The following BNC2 variants were observed in gnomAD, a reference collection of about 807,000 sequenced individuals.
The protein encoded by BNC2 is zinc finger protein basonuclin-2.
A neutral mutation model predicts 76.3 loss-of-function variants in BNC2; 20 were observed. That is an observed-to-expected ratio of 0.26 (90% CI 0.18 to 0.38). BNC2 has a LOEUF of 0.38. Among genes scored for constraint, BNC2 ranks in the 10% least tolerant of loss-of-function variants. The pLI is 1.00. For missense variants in BNC2, 1,382 were observed against 1,399.8 expected, an observed-to-expected ratio of 0.99 and a Z score of 0.20; for synonymous variants, 582 against 514.8, an observed-to-expected ratio of 1.13 and a Z score of -1.77.
chr9:16,514,502 A>G (rs1470901634), intron 5 of BNC2, among the ~76,000 whole-genome samples: 7 of 151,928 alleles, frequency 4.6e-5, no homozygotes, highest in Non-Finnish European at 2.9e-5. Flanking sequence ...TTTTTTTTAA[A>G]AAGGGGGGAA....
At chr9:16,728,781 T>A (rs1278511589) in intron 2 of BNC2, among the ~76,000 whole-genome samples, 1 of 152,046 alleles carries the variant, frequency 6.6e-6, no homozygotes, top group East Asian at 1.9e-4. Flanking sequence ...TTGCCAAATA[T>A]AAATATATAC....
intron 3 of BNC2, among the ~76,000 whole-genome samples, chr9:16,711,174 G>C (rs1308434876): frequency 6.6e-6 from 1 of 152,130 alleles, no homozygotes; most frequent in Admixed American, 6.5e-5. Flanking sequence ...AGAAACGCAA[G>C]AGCAAAGAAT....
Position 16,855,631 on chromosome 9 carries a change from G to A in BNC2, c.3+15015C>T, listed in dbSNP as rs575424338. Among the ~76,000 whole-genome samples the A allele has an allele frequency of 1.1e-3, 172 of 152,118 alleles. 1 individual carries two copies. Among genetic ancestry groups the A allele is most frequent in the Non-Finnish European group, 1.5e-3 (102 of 68,024 alleles). On this transcript the variant is annotated intron_variant, in intron 1 of 6. Coordinates refer to ENST00000380672, the MANE Select transcript of BNC2 (RefSeq NM_017637.6). ...CGGCTCACTGCAACCTCCACCTCCC[G>A]GGTTCACGCCATTCTCCTGCCTCAG...
At position 16,436,581 on chromosome 9, in the gene BNC2, G is replaced by A. The variant is rs1821022138; in HGVS notation, c.1613C>T (p.Pro538Leu). The A allele has an allele frequency of 6.2e-7, 1 of 1,614,098 alleles. No homozygotes were observed. Among genetic ancestry groups the A allele is most frequent in the Non-Finnish European group, 8.5e-7 (1 of 1,180,010 alleles). The change falls in exon 6 of 7, where the codon CCA (proline) becomes CTA (leucine). Residue 538 changes from proline to leucine, a missense_variant. Pro to Leu is a moderately conservative substitution (Grantham distance 98). Around this residue, in one of 3 missense-constraint regions of BNC2, gnomAD observed 798 missense variants for 775.5 expected, o/e 1.03. Coordinates refer to ENST00000380672, the MANE Select transcript of BNC2 (RefSeq NM_017637.6). ...NLALTSPGRP[P>L]MGFTTPPLDP... ...TAGAGGGGGAGTGGTAAAACCCATT[G>A]GGGGTCGGCCAGGGCTTGTGAGTGC... is the stretch of plus-strand genomic sequence containing the variant.
intron 5 of BNC2, among the ~76,000 whole-genome samples, chr9:16,472,576 G>T (rs1476745766): frequency 1.3e-5 from 2 of 152,114 alleles, no homozygotes; most frequent in African/African-American, 4.8e-5. Context: ...TATTCACTCA[G>T]TCCTAAACCA....
intron 4 of BNC2, among the ~76,000 whole-genome samples, chr9:16,561,208 C>T (rs7861455): frequency 0.054 from 8,100 of 151,236 alleles, 786 homozygotes; most frequent in African/African-American, 0.19. Flanking sequence ...TATTGCACTC[C>T]GCCTGGGCAA....
At chr9:16,792,082 A>T (rs937144498) in intron 1 of BNC2, among the ~76,000 whole-genome samples, 1 of 147,960 alleles carries the variant, frequency 6.8e-6, no homozygotes, top group African/African-American at 2.5e-5. Flanking sequence ...AGCCTGGGTG[A>T]TAGAACAAGA....
chr9:16,576,165 A>C (rs1819480006), intron 4 of BNC2, among the ~76,000 whole-genome samples: 1 of 152,180 alleles, frequency 6.6e-6, no homozygotes, highest in African/African-American at 2.4e-5. Context: ...TCTGGAAAAA[A>C]ATTTCTACGA....
At chr9:16,472,878 C>T (rs1409769039) in intron 5 of BNC2, among the ~76,000 whole-genome samples, 2 of 152,132 alleles carry the variant, frequency 1.3e-5, no homozygotes, top group African/African-American at 4.8e-5. Context: ...CATCAGAAGT[C>T]AGTGGACATT....
intron 3 of BNC2, among the ~76,000 whole-genome samples, chr9:16,703,923 ATATG>A (rs1441553882): frequency 6.6e-6 from 1 of 152,214 alleles, no homozygotes; most frequent in Non-Finnish European, 1.5e-5. Context: ...ATACAAGTAT[ATATG>A]TATTATTAAG....
intron 1 of BNC2, among the ~76,000 whole-genome samples, chr9:16,828,846 G>A (rs1328557086): frequency 1.3e-5 from 2 of 152,180 alleles, no homozygotes; most frequent in Non-Finnish European, 2.9e-5. Context: ...GTGTCTAGTG[G>A]CACTGGAATA....
At chr9:16,523,490 A>AAC (rs1554663966) in intron 5 of BNC2, among the ~76,000 whole-genome samples, 8 of 146,440 alleles carry the variant, frequency 5.5e-5, no homozygotes, top group African/African-American at 2.1e-4. Flanking sequence ...AAAAAAAACA[A>AAC]AACAAAAAAA....
At chr9:16,762,008 G>C (rs370139544) in intron 1 of BNC2, among the ~76,000 whole-genome samples, 3 of 152,188 alleles carry the variant, frequency 2.0e-5, no homozygotes, top group East Asian at 3.8e-4. Context: ...AAACTTTTTA[G>C]CCAAGAAGAA....
chr9:16,773,660 A>G (rs1173938318), intron 1 of BNC2, among the ~76,000 whole-genome samples: 2 of 152,214 alleles, frequency 1.3e-5, no homozygotes, highest in African/African-American at 4.8e-5. Flanking sequence ...AAGCATCAGC[A>G]ACCTTTTTAC....
At chr9:16,680,939 A>G (rs764811478) in intron 3 of BNC2, among the ~76,000 whole-genome samples, 2 of 152,226 alleles carry the variant, frequency 1.3e-5, no homozygotes, top group Non-Finnish European at 2.9e-5. Flanking sequence ...AGAGTAAACC[A>G]ATCAAACCAA....
At chr9:16,582,869 C>T (rs1367717265) in intron 4 of BNC2, 114 bp downstream of exon 4, 5 of 843,924 alleles carry the variant, frequency 5.9e-6, no homozygotes, top group Non-Finnish European at 9.9e-6. Context: ...CTCTCTTCTC[C>T]AGGCCAGTGA....
At chr9:16,653,733 C>T (rs1488771511) in intron 3 of BNC2, among the ~76,000 whole-genome samples, 5 of 152,160 alleles carry the variant, frequency 3.3e-5, no homozygotes, top group Non-Finnish European at 7.3e-5. Flanking sequence ...CAAGGTCAGC[C>T]TGCTAGGTCT....
At chr9:16,569,003 G>GTTTTTTTT (rs373012680) in intron 4 of BNC2, among the ~76,000 whole-genome samples, 4 of 135,726 alleles carry the variant, frequency 2.9e-5, no homozygotes, top group African/African-American at 1.1e-4. Context: ...TGCTTCTAGA[G>GTTTTTTTT]TTTTTTTTTT....
At chr9:16,860,264 C>T (rs1321618685) in intron 1 of BNC2, among the ~76,000 whole-genome samples, 1 of 152,184 alleles carries the variant, frequency 6.6e-6, no homozygotes, top group East Asian at 1.9e-4. Flanking sequence ...TTGTAGGACT[C>T]ACACTTCTCA....
Sources: gnomAD v4.1 joint callset for allele counts (sites outside exome capture counted in the v4.1 genomes callset) on GRCh38, gnomAD v4.1.1 for gene constraint, gnomAD v4.1.1 regional missense constraint, MANE v1.5 for transcripts, NCBI Gene and HGNC (gene_info 2026-07-23, HGNC 2026-07-21) for gene names.